The following SLC35F4 variants were observed in gnomAD, a reference collection of about 807,000 sequenced individuals.
The protein encoded by SLC35F4 is chromosome 14 open reading frame 36.
Under a neutral mutation model 44.2 loss-of-function variants are expected in SLC35F4, and 24 were observed. That is an observed-to-expected ratio of 0.54 (90% CI 0.39 to 0.76). SLC35F4 has a LOEUF of 0.76. Ranked by LOEUF, SLC35F4 falls within the 30% of genes least tolerant of loss-of-function variation. SLC35F4 has a pLI of 0.00. For synonymous variants in SLC35F4, 238 were observed against 223.6 expected, an observed-to-expected ratio of 1.06 and a Z score of -0.57; for missense variants, 562 against 586.1, an observed-to-expected ratio of 0.96 and a Z score of 0.42.
At chr14:57,939,568 C>T (rs1326265157) in intron 1 of SLC35F4, among the ~76,000 whole-genome samples, 1 of 152,174 alleles carries the variant, frequency 6.6e-6, no homozygotes, top group Non-Finnish European at 1.5e-5. Context: ...CCCTAAACAA[C>T]ATTTTAGAAA....
At chr14:57,728,663 T>A (rs1263700475) in intron 1 of SLC35F4, among the ~76,000 whole-genome samples, 1 of 152,040 alleles carries the variant, frequency 6.6e-6, no homozygotes, top group Non-Finnish European at 1.5e-5. Flanking sequence ...TTGGCCAGGC[T>A]AGTCTCAGGG....
chr14:57,794,814 C>T (rs750757810), intron 1 of SLC35F4, among the ~76,000 whole-genome samples: 2 of 151,976 alleles, frequency 1.3e-5, no homozygotes, highest in Non-Finnish European at 2.9e-5. Flanking sequence ...AAAATAGGTG[C>T]TTCATGAGTC....
intron 1 of SLC35F4, among the ~76,000 whole-genome samples, chr14:57,683,679 T>TAGC (rs1257430632): frequency 6.6e-6 from 1 of 152,224 alleles, no homozygotes; most frequent in African/African-American, 2.4e-5. Flanking sequence ...TGTGACAAAT[T>TAGC]TCCTGTCACT....
chr14:57,861,972 A>G (rs1014781702), intron 1 of SLC35F4, among the ~76,000 whole-genome samples: 7 of 152,138 alleles, frequency 4.6e-5, no homozygotes, highest in Non-Finnish European at 1.0e-4. Context: ...TCCTTAATTT[A>G]TATCTCCAAT....
chr14:57,737,711 C>A (rs1407872520), intron 1 of SLC35F4, among the ~76,000 whole-genome samples: 1 of 152,206 alleles, frequency 6.6e-6, no homozygotes, highest in Non-Finnish European at 1.5e-5. Context: ...GTAAGCCGTG[C>A]TACATTGGCC....
intron 1 of SLC35F4, among the ~76,000 whole-genome samples, chr14:57,598,804 C>T (rs776580446): frequency 2.0e-5 from 3 of 152,070 alleles, no homozygotes; most frequent in Non-Finnish European, 2.9e-5. Flanking sequence ...AAGCAAACAC[C>T]GCTATATAGA....
At chr14:57,566,940 T>C (rs1445438383) in intron 6 of SLC35F4, among the ~76,000 whole-genome samples, 1 of 152,272 alleles carries the variant, frequency 6.6e-6, no homozygotes, top group East Asian at 1.9e-4. Flanking sequence ...TGTGCTATTT[T>C]GTGCCACATT....
At chr14:57,978,939 G>C (rs1441948280) in intron 1 of SLC35F4, among the ~76,000 whole-genome samples, 1 of 152,222 alleles carries the variant, frequency 6.6e-6, no homozygotes, top group Non-Finnish European at 1.5e-5. Context: ...GCCAGAAAGA[G>C]CAAGGTTGCT....
At chr14:57,679,164 A>C (rs184792536) in intron 1 of SLC35F4, among the ~76,000 whole-genome samples, 256 of 152,238 alleles carry the variant, frequency 1.7e-3, no homozygotes, top group Non-Finnish European at 3.0e-3. Flanking sequence ...TGAAAATCAT[A>C]ACAAAGAGTC....
intron 1 of SLC35F4, among the ~76,000 whole-genome samples, chr14:57,741,016 G>A (rs1296262271): frequency 6.6e-6 from 1 of 152,084 alleles, no homozygotes; most frequent in African/African-American, 2.4e-5. Flanking sequence ...TGCAGCTGAG[G>A]GTCCTGACTG....
At chr14:57,961,523 G>A (rs1345715296) in intron 1 of SLC35F4, among the ~76,000 whole-genome samples, 1 of 152,094 alleles carries the variant, frequency 6.6e-6, no homozygotes, top group African/African-American at 2.4e-5. Context: ...TGTCAGCCTT[G>A]GCTATCACTT....
chr14:57,925,524 AGGGAG>A (rs1246749216), intron 1 of SLC35F4, among the ~76,000 whole-genome samples: 3 of 31,002 alleles, frequency 9.7e-5, no homozygotes, highest in African/African-American at 4.3e-4. Context: ...GGAGGGAGGG[AGGGAG>A]GGAGGGAGGG....
At chr14:57,564,916 G>C (rs902942905) in intron 7 of SLC35F4, among the ~76,000 whole-genome samples, 1 of 152,010 alleles carries the variant, frequency 6.6e-6, no homozygotes, top group African/African-American at 2.4e-5. Context: ...CAAATCCCCA[G>C]CCCTTAGCAA....
chr14:57,746,369 G>C (rs1284455573), intron 1 of SLC35F4, among the ~76,000 whole-genome samples: 1 of 152,090 alleles, frequency 6.6e-6, no homozygotes. Context: ...ATAATAAATA[G>C]TGGTTGAATT....
At chr14:57,883,053 G>A (rs191874509) in intron 1 of SLC35F4, among the ~76,000 whole-genome samples, 1 of 151,564 alleles carries the variant, frequency 6.6e-6, no homozygotes, top group Admixed American at 6.6e-5. Flanking sequence ...AGAAGGGGAG[G>A]GGAGGAGGAG....
intron 1 of SLC35F4, among the ~76,000 whole-genome samples, chr14:57,978,998 A>C (rs1647071273): frequency 6.6e-6 from 1 of 152,198 alleles, no homozygotes; most frequent in African/African-American, 2.4e-5. Flanking sequence ...TATGGGATTC[A>C]TAGGACATCT....
intron 4 of SLC35F4, among the ~76,000 whole-genome samples, chr14:57,580,217 C>T (rs2069147984): frequency 6.6e-6 from 1 of 152,126 alleles, no homozygotes; most frequent in South Asian, 2.1e-4. Flanking sequence ...TAACTGTTTT[C>T]TTAAGAAAAT....
chr14:57,885,337 A>ATAAG (rs1221435417), intron 1 of SLC35F4, among the ~76,000 whole-genome samples: 1 of 152,224 alleles, frequency 6.6e-6, no homozygotes, highest in Non-Finnish European at 1.5e-5. Flanking sequence ...CAAGGTATAA[A>ATAAG]TAAGTTTTCC....
intron 1 of SLC35F4, among the ~76,000 whole-genome samples, chr14:57,661,589 A>G (rs1310043850): frequency 2.0e-5 from 3 of 152,224 alleles, no homozygotes; most frequent in Non-Finnish European, 2.9e-5. Flanking sequence ...GATAATAGAG[A>G]TAAGTTTCCT....
Sources: gnomAD v4.1 joint callset for allele counts (sites outside exome capture counted in the v4.1 genomes callset) on GRCh38, gnomAD v4.1.1 for gene constraint, MANE v1.5 for transcripts, NCBI Gene and HGNC (gene_info 2026-07-23, HGNC 2026-07-21) for gene names.